Variants in DMD observed in about 807,000 individuals in gnomAD.
DMD encodes the protein mutant dystrophin.
Under a neutral mutation model 330.1 loss-of-function variants are expected in DMD, and 63 were observed. That is an observed-to-expected ratio of 0.19 (90% CI 0.16 to 0.24). DMD has a LOEUF of 0.24. Ranked by LOEUF, DMD falls within the 10% of genes least tolerant of loss-of-function variation. The pLI is 1.00. For synonymous variants in DMD, 1,223 were observed against 959.8 expected (o/e 1.27, Z -5.07); for missense variants, 3,344 against 2,684.1 (o/e 1.25, Z -5.43).
At chrX:32,626,116 C>T (rs973788431) in intron 11 of DMD, among the ~76,000 whole-genome samples, 16 of 112,005 alleles carry the variant, frequency 1.4e-4, no homozygotes, top group Non-Finnish European at 2.6e-4. Flanking sequence ...TTTAAATGCA[C>T]GCCATTTAGA....
intron 37 of DMD, among the ~76,000 whole-genome samples, chrX:32,361,212 G>A (rs1335719402): frequency 9.0e-6 from 1 of 111,027 alleles, no homozygotes; most frequent in Non-Finnish European, 1.9e-5. Flanking sequence ...TCCATTCATT[G>A]TCTTGTTATT....
intron 1 of DMD, among the ~76,000 whole-genome samples, chrX:33,096,221 A>G (rs774857556): frequency 2.5e-4 from 27 of 110,000 alleles, no homozygotes; most frequent in African/African-American, 6.6e-4. Context: ...TGATCCACCC[A>G]CCTTGGCCTC....
At chrX:31,223,600 A>G (rs1314415291) in intron 63 of DMD, among the ~76,000 whole-genome samples, 2 of 112,278 alleles carry the variant, frequency 1.8e-5, no homozygotes, top group African/African-American at 6.5e-5. Context: ...GACATTTAAC[A>G]TATACATATA....
chrX:31,364,940 A>C (rs900982826), intron 60 of DMD, among the ~76,000 whole-genome samples: 39 of 109,576 alleles, frequency 3.6e-4, no homozygotes, highest in African/African-American at 1.2e-3. Context: ...CTAAAAATAC[A>C]AAAAATTAGC....
rs150482423 is a variant in DMD at position 31,904,168 on chromosome X, T to C, written c.6912+25428A>G. 4.6e-3 allele frequency among the ~76,000 whole-genome samples: 519 copies of C among 111,708 alleles called. 3 individuals carry two copies. The highest frequency in any genetic ancestry group is 0.016 in the African/African-American group (491 of 30,862). ...AACATAGCTGTCCCCCAACCCCATG[T>C]ACTTTTTGAAATATGAAGGAATAAA... is the stretch of plus-strand genomic sequence containing the variant. On this transcript the variant is annotated intron_variant, in intron 47 of 78. Transcript: ENST00000357033.
rs372103899 is a variant in DMD, at chrX:33,211,248, C to A, written c.31+34G>T. The A allele has an allele frequency of 2.1e-4, 256 of 1,197,904 alleles. No homozygotes were observed. The highest frequency in any genetic ancestry group is 2.8e-4 in the Non-Finnish European group (252 of 887,192). The stretch of plus-strand genomic sequence containing the variant: ...TTGTCACAAACTAAACGTTATGCCA[C>A]AGTAAAATATATTTTTAGTTACTTT... On this transcript the variant is annotated intron_variant, in intron 1 of 78. Coordinates refer to ENST00000357033, the MANE Select transcript of DMD (RefSeq NM_004006.3).
intron 1 of DMD, among the ~76,000 whole-genome samples, chrX:33,040,287 TACTAAACTGAAGGAA>T (rs770209457): frequency 1.2e-4 from 11 of 95,458 alleles, no homozygotes; most frequent in Non-Finnish European, 2.1e-4. Context: ...TAAGGAAAGA[TACTAAACTGAAGGAA>T]AGATACTAAA....
rs2148334596 is a variant in DMD at position 31,182,823 on chromosome X, C to T, written c.9889G>A (p.Val3297Ile). Residue 3297 changes from valine (V) to isoleucine (I), a missense_variant, in exon 68 of 79, where the codon GTC becomes ATC. Physicochemically the swap from Val to Ile is conservative, Grantham distance 29 (BLOSUM62 3). Transcript: ENST00000357033. ...TCTGCAGCAGCCACTCTGTGCAGGA[C>T]GGGCAGCCACACCATGGACTGGGGT... ...LEPQSMVWLP[V>I]LHRVAAAETA... 1 of 1,208,797 alleles carries T rather than the reference C, an allele frequency of 8.3e-7. No individual in the cohort carries two copies. The highest frequency in any genetic ancestry group is 1.1e-6 in the Non-Finnish European group (1 of 894,149).
At chrX:31,145,364 G>A (rs1203071989) in intron 76 of DMD, among the ~76,000 whole-genome samples, 2 of 111,381 alleles carry the variant, frequency 1.8e-5, no homozygotes, top group Non-Finnish European at 3.8e-5. Context: ...CCCAAATGGA[G>A]GTCTTTTCCA....
intron 60 of DMD, among the ~76,000 whole-genome samples, chrX:31,395,346 C>T (rs771464691): frequency 8.9e-6 from 1 of 112,347 alleles, no homozygotes; most frequent in Admixed American, 9.4e-5. Context: ...CAAATTACTT[C>T]GTTCATTTCT....
At chrX:32,111,904 T>A (rs774585813) in intron 44 of DMD, among the ~76,000 whole-genome samples, 32 of 112,197 alleles carry the variant, frequency 2.9e-4, no homozygotes, top group Non-Finnish European at 5.5e-4. Context: ...GAGGCTAGGA[T>A]TTATTATACA....
chrX:32,475,263 T>A (rs751242449), intron 21 of DMD, among the ~76,000 whole-genome samples: 1 of 111,848 alleles, frequency 8.9e-6, no homozygotes, highest in Non-Finnish European at 1.9e-5. Flanking sequence ...TATGGCCTTA[T>A]AGTATAGTTT....
At chrX:31,487,874 A>G (rs1169060753) in intron 57 of DMD, among the ~76,000 whole-genome samples, 1 of 112,026 alleles carries the variant, frequency 8.9e-6, no homozygotes, top group East Asian at 2.8e-4. Flanking sequence ...GTAAATGAAC[A>G]TATTTCAGGC....
intron 7 of DMD, among the ~76,000 whole-genome samples, chrX:32,807,142 A>G (rs953004444): frequency 9.6e-6 from 1 of 104,353 alleles, no homozygotes; most frequent in African/African-American, 3.5e-5. Context: ...AAAAAAAAAA[A>G]AAAAAAACAT....
intron 1 of DMD, among the ~76,000 whole-genome samples, chrX:33,254,775 GA>G (rs965690536): frequency 9.1e-6 from 1 of 110,171 alleles, no homozygotes; most frequent in African/African-American, 3.3e-5. Context: ...GGTGGTTTTG[GA>G]TAAAGGTTTT....
intron 7 of DMD, among the ~76,000 whole-genome samples, chrX:32,714,669 A>C (rs772004367): frequency 8.9e-6 from 1 of 111,946 alleles, no homozygotes; most frequent in Non-Finnish European, 1.9e-5. Flanking sequence ...AGGGAGAACT[A>C]GCATTTTCAT....
intron 44 of DMD, among the ~76,000 whole-genome samples, chrX:32,156,932 A>C (rs936954456): frequency 9.0e-6 from 1 of 111,228 alleles, no homozygotes; most frequent in African/African-American, 3.3e-5. Flanking sequence ...ACAGATCCAC[A>C]CCTGGAAGCA....
chrX:31,860,353 T>C (rs1286238936), intron 48 of DMD, among the ~76,000 whole-genome samples: 1 of 112,262 alleles, frequency 8.9e-6, no homozygotes, highest in Non-Finnish European at 1.9e-5. Context: ...AATGGTATAA[T>C]ATTGGTGAAT....
At chrX:31,836,677 C>T (rs755365217) in intron 49 of DMD, 41 bp downstream of exon 49, 1 of 1,036,228 alleles carries the variant, frequency 9.7e-7, no homozygotes, top group South Asian at 1.9e-5. Flanking sequence ...AAGCATAACC[C>T]ATTATGAGGT....
Sources: allele counts gnomAD v4.1 joint callset (sites outside exome capture counted in the v4.1 genomes callset), GRCh38; gene constraint gnomAD v4.1.1; transcripts MANE v1.5; gene names NCBI Gene and HGNC (gene_info 2026-07-23, HGNC 2026-07-21).